ACLY: variants seen among roughly 807,000 people sequenced by gnomAD.
ACLY encodes the protein ATP-citrate synthase.
ACLY carries 41 observed loss-of-function variants against 133.0 expected under a neutral mutation model. That is an observed-to-expected ratio of 0.31 (90% CI 0.24 to 0.40). The LOEUF (loss-of-function observed/expected upper bound fraction) is 0.40, where lower values mean the gene tolerates loss of function less well. ACLY is among the 10% of genes least tolerant of loss of function. ACLY has a pLI of 1.00. For missense variants in ACLY, 1,046 were observed against 1,453.8 expected (o/e 0.72, Z 4.56); for synonymous variants, 495 against 549.3 (o/e 0.90, Z 1.38).
intron 16 of ACLY, among the ~76,000 whole-genome samples, chr17:41,887,935 C>T (rs546239739): frequency 0.017 from 2,528 of 152,166 alleles, 81 homozygotes; most frequent in African/African-American, 0.058. Flanking sequence ...CGAGACCAGC[C>T]TGGCCAACGT....
intron 11 of ACLY, among the ~76,000 whole-genome samples, chr17:41,899,014 C>A (rs1211635794): frequency 6.6e-6 from 1 of 152,324 alleles, no homozygotes; most frequent in African/African-American, 2.4e-5. Flanking sequence ...GTGGCTCACA[C>A]CTGTAATCCC....
At chr17:41,914,181 C>T (rs1458094523) in intron 1 of ACLY, among the ~76,000 whole-genome samples, 1 of 152,202 alleles carries the variant, frequency 6.6e-6, no homozygotes, top group Non-Finnish European at 1.5e-5. Context: ...TGCCCCATTC[C>T]CTCTAGGCAA....
intron 11 of ACLY, among the ~76,000 whole-genome samples, chr17:41,899,213 T>G (rs2049456886): frequency 6.6e-6 from 1 of 151,626 alleles, no homozygotes; most frequent in Non-Finnish European, 1.5e-5. Flanking sequence ...AGGCAGAGGT[T>G]GCAAAGTAAG....
chr17:41,914,270 CA>C (rs1302665082), intron 1 of ACLY, among the ~76,000 whole-genome samples: 1 of 152,180 alleles, frequency 6.6e-6, no homozygotes, highest in African/African-American at 2.4e-5. Context: ...TGCTTTGACC[CA>C]AATCTGAGTG....
chr17:41,896,615 C>T lies in ACLY; in HGVS notation c.1459+5G>A. ...CGGAGTGGGGGCAGGGTGGGGGCAT[C>T]CTACCTTGCAGGGATCTTGGACTTG... On this transcript the variant is annotated splice_donor_5th_base_variant and intron_variant, in intron 14 of 28. Coordinates refer to ENST00000352035, the MANE Select transcript of ACLY (RefSeq NM_001096.3). 1 of 1,561,166 alleles carries T rather than the reference C, an allele frequency of 6.4e-7. No individual in the cohort carries two copies. The highest frequency in any genetic ancestry group is 8.7e-7 in the Non-Finnish European group (1 of 1,152,798).
In ACLY at chr17:41,873,945, T is replaced by C. The variant is rs1192166337; in HGVS notation, c.2508A>G (p.Lys836=). Residue 836 remains lysine (K), a synonymous_variant, in exon 23 of 29, where the codon AAA becomes AAG. Transcript: ENST00000352035. The part of the protein sequence containing the change: ...SWARELGLIR[K]PASFMTSICD... The stretch of plus-strand genomic sequence containing the variant: ...AGATGCTGGTCATGAACGAGGCAGG[T>C]TTGCGGATCAAACCAAGCTCCTGGG... The C allele has an allele frequency of 6.2e-7, 1 of 1,604,560 alleles. No individual in the cohort carries two copies. Among genetic ancestry groups the C allele is most frequent in the African/African-American group, 1.3e-5 (1 of 74,612 alleles).
At chr17:41,889,899 C>A (rs1330590150) in intron 16 of ACLY, among the ~76,000 whole-genome samples, 1 of 152,168 alleles carries the variant, frequency 6.6e-6, no homozygotes, top group African/African-American at 2.4e-5. Context: ...TCTCGAACTC[C>A]TGACCTCAAA....
chr17:41,884,048 AC>A (rs1223932222), intron 19 of ACLY, 144 bp downstream of exon 19: 17 of 608,680 alleles, frequency 2.8e-5, no homozygotes, highest in Non-Finnish European at 4.4e-5. Context: ...AATAGTGACA[AC>A]CTTGAGGCCC....
intron 14 of ACLY, among the ~76,000 whole-genome samples, chr17:41,894,771 C>G: frequency 6.6e-6 from 1 of 152,090 alleles, no homozygotes; most frequent in East Asian, 1.9e-4. Context: ...TTGACTTTCC[C>G]CTCTGGGTCC....
chr17:41,891,054 G>C (rs1555629177), intron 16 of ACLY, among the ~76,000 whole-genome samples: 1 of 152,034 alleles, frequency 6.6e-6, no homozygotes, highest in Non-Finnish European at 1.5e-5. Flanking sequence ...TTTGAGACAG[G>C]ATCTGGGACT....
intron 8 of ACLY, among the ~76,000 whole-genome samples, chr17:41,906,055 T>C (rs145547269): frequency 1.7e-4 from 26 of 152,280 alleles, no homozygotes; most frequent in African/African-American, 5.8e-4. Context: ...ATTGCACATC[T>C]AGAAGTGAGC....
intron 23 of ACLY, among the ~76,000 whole-genome samples, chr17:41,872,428 C>G (rs966861938): frequency 1.4e-4 from 21 of 152,106 alleles, no homozygotes; most frequent in Admixed American, 3.9e-4. Context: ...TAGGTTCAAG[C>G]AATTTGCCTG....
At chr17:41,925,850 CTT>C (rs113731595) in intron 1 of ACLY, among the ~76,000 whole-genome samples, 1 of 145,458 alleles carries the variant, frequency 6.9e-6, no homozygotes, top group Admixed American at 6.9e-5. Flanking sequence ...CATAGGTGTA[CTT>C]TTTTTTTTTT....
Position 41,867,566 on chromosome 17 carries a change from A to G in ACLY, c.*244T>C, listed in dbSNP as rs1219122462. 9.7e-6 allele frequency: 3 copies of G among 309,308 alleles called. No homozygotes were observed. Among genetic ancestry groups the G allele is most frequent in the Non-Finnish European group, 1.8e-5 (3 of 168,230 alleles). 19.2% of individuals were successfully genotyped at this position (309,308 alleles called of 1,614,324 possible). A position where few individuals can be genotyped will look rare whatever the true frequency, so the allele number is the denominator to read the frequency against. ...ATATAATAAATACAGCAGGTAGCAG[A>G]GCAAAGTCACAAATATTGGCTTGGT... On this transcript the variant is annotated 3_prime_UTR_variant, in exon 29 of 29. Coordinates refer to ENST00000352035, the MANE Select transcript of ACLY (RefSeq NM_001096.3).
intron 3 of ACLY, among the ~76,000 whole-genome samples, chr17:41,910,584 G>C (rs782686791): frequency 6.6e-6 from 1 of 152,228 alleles, no homozygotes; most frequent in Admixed American, 6.5e-5. Flanking sequence ...AACAAGTCAC[G>C]GCTGTGGCAG....
intron 22 of ACLY, among the ~76,000 whole-genome samples, chr17:41,875,135 G>A (rs933059980): frequency 1.4e-4 from 22 of 152,038 alleles, no homozygotes; most frequent in Admixed American, 9.8e-4. Flanking sequence ...GATCACTTGA[G>A]GTCAGGAGTT....
In ACLY at chr17:41,878,152, G is replaced by A; in HGVS notation, c.2438C>T (p.Ala813Val). 6.3e-7 allele frequency: 1 copy of A among 1,596,280 alleles called. No individual in the cohort carries two copies. Residue 813 changes from alanine (A) to valine (V), a missense_variant, in exon 22 of 29, where the codon GCC becomes GTC. Coordinates refer to ENST00000352035, the MANE Select transcript of ACLY (RefSeq NM_001096.3). ...CACGGTTGGGGGCGGCACCTCCTGGGCAGGTACAATGACTCCATTGGCCAC... is the reference window on the plus strand; with the variant it reads ...CACGGTTGGGGGCGGCACCTCCTGGACAGGTACAATGACTCCATTGGCCAC... ...DLVANGVIVP[A>V]QEVPPPTVPM...
chr17:41,869,400 A>C (rs2048541725), intron 26 of ACLY, 74 bp downstream of exon 26: 1 of 1,254,536 alleles, frequency 8.0e-7, no homozygotes, highest in African/African-American at 1.5e-5. Context: ...GCATAATCAA[A>C]ATGTAACGTG....
chr17:41,923,224 T>C (rs1403076026), upstream of ACLY, among the ~76,000 whole-genome samples: 2 of 152,160 alleles, frequency 1.3e-5, no homozygotes, highest in Non-Finnish European at 2.9e-5. Flanking sequence ...CCCATTTGAA[T>C]CACCTCCCTC....
Sources: allele counts gnomAD v4.1 joint callset (sites outside exome capture counted in the v4.1 genomes callset), GRCh38; gene constraint gnomAD v4.1.1; transcripts MANE v1.5; gene names NCBI Gene and HGNC (gene_info 2026-07-23, HGNC 2026-07-21).